Variants in VPS53 observed in about 807,000 individuals in gnomAD.
VPS53 encodes the protein VPS53 subunit of GARP complex.
VPS53 carries 70 observed loss-of-function variants against 107.0 expected under a neutral mutation model. The ratio of observed to expected loss-of-function variants is 0.65; its 90% CI spans 0.54 to 0.80. The LOEUF (loss-of-function observed/expected upper bound fraction) is 0.80. Among genes scored for constraint, VPS53 ranks in the 30% least tolerant of loss-of-function variants. VPS53 has a pLI of 0.00. For missense variants in VPS53, 917 were observed against 1,049.4 expected, an observed-to-expected ratio of 0.87 and a Z score of 1.74; for synonymous variants, 409 against 393.3, an observed-to-expected ratio of 1.04 and a Z score of -0.47.
intron 7 of VPS53, among the ~76,000 whole-genome samples, chr17:646,711 C>T (rs1970727419): frequency 1.4e-5 from 2 of 140,660 alleles, no homozygotes; most frequent in South Asian, 2.4e-4. Context: ...GGCTCCCACA[C>T]ACATCTCCGT....
At chr17:566,105 G>A (rs1461303633) in intron 13 of VPS53, among the ~76,000 whole-genome samples, 8 of 150,052 alleles carry the variant, frequency 5.3e-5, no homozygotes, top group Non-Finnish European at 1.2e-4. Context: ...TTGGGAGGCT[G>A]AGGCAGGAGA....
At chr17:651,773 C>T (rs1344607786) in intron 7 of VPS53, among the ~76,000 whole-genome samples, 7 of 152,154 alleles carry the variant, frequency 4.6e-5, no homozygotes, top group South Asian at 2.1e-4. Flanking sequence ...TCAATTGTGA[C>T]GGTCTCTGCC....
intron 15 of VPS53, among the ~76,000 whole-genome samples, chr17:558,348 T>C (rs1912627697): frequency 6.6e-6 from 1 of 152,148 alleles, no homozygotes; most frequent in Non-Finnish European, 1.5e-5. Flanking sequence ...GTGCCTGTAG[T>C]CCCAGCTACT....
At position 537,128 on chromosome 17, in the gene VPS53, T is replaced by A. The variant is rs751330560; in HGVS notation, c.1915A>T (p.Thr639Ser). ...TGCTTGATGTGCAGAATGACAGAGG[T>A]GACGTAGGGGCTCTGGTCACCAACG... ...EHVGDQSPYV[T>S]SVILHIKQNV... The change falls in exon 18 of 22, where the codon ACC (threonine) becomes TCC (serine). Residue 639 changes from threonine to serine, a missense_variant. Transcript: ENST00000437048. The A allele has an allele frequency of 6.2e-7, 1 of 1,613,848 alleles. No homozygotes were observed. The highest frequency in any genetic ancestry group is 1.1e-5 in the South Asian group (1 of 91,056).
intron 14 of VPS53, among the ~76,000 whole-genome samples, chr17:561,499 T>C (rs531261113): frequency 2.0e-5 from 3 of 152,328 alleles, no homozygotes; most frequent in Non-Finnish European, 2.9e-5. Flanking sequence ...ATAAGCAGTA[T>C]AGCCCCAATT....
chr17:554,141 G>A (rs1177277447), intron 15 of VPS53, among the ~76,000 whole-genome samples: 1 of 152,190 alleles, frequency 6.6e-6, no homozygotes, highest in South Asian at 2.1e-4. Context: ...TTGGTGTTGA[G>A]TAGCAGTAAA....
intron 15 of VPS53, among the ~76,000 whole-genome samples, chr17:556,817 G>A (rs977618194): frequency 1.1e-4 from 13 of 121,306 alleles, no homozygotes; most frequent in Admixed American, 5.8e-4. Context: ...CAGCCGAGAC[G>A]TAACTTCGGT....
At chr17:534,989 G>C (rs1028736116) in intron 18 of VPS53, among the ~76,000 whole-genome samples, 3 of 152,096 alleles carry the variant, frequency 2.0e-5, no homozygotes, top group Non-Finnish European at 2.9e-5. Flanking sequence ...GTGGCGATGG[G>C]GGGAGTATGA....
At chr17:547,754 C>T (rs979987598) in intron 17 of VPS53, among the ~76,000 whole-genome samples, 1 of 152,194 alleles carries the variant, frequency 6.6e-6, no homozygotes, top group Non-Finnish European at 1.5e-5. Flanking sequence ...TCTCCTACCT[C>T]AGCCTCCTGA....
intron 17 of VPS53, among the ~76,000 whole-genome samples, chr17:541,957 C>A (rs111916141): frequency 1.4e-5 from 2 of 144,690 alleles, no homozygotes; most frequent in Admixed American, 6.8e-5. Context: ...ACGCACCAGG[C>A]GCTGAAGGAA....
chr17:530,121 G>T (rs924797156), intron 19 of VPS53, among the ~76,000 whole-genome samples: 1 of 150,602 alleles, frequency 6.6e-6, no homozygotes, highest in African/African-American at 2.4e-5. Context: ...CTTATAGCCA[G>T]CAACCTTGCT....
intron 18 of VPS53, among the ~76,000 whole-genome samples, chr17:535,044 G>A (rs1909923891): frequency 6.6e-6 from 1 of 152,192 alleles, no homozygotes. Context: ...GCAATGTGCT[G>A]GGTAACTGCC....
chr17:707,633 T>G (rs1973464217), intron 2 of VPS53, among the ~76,000 whole-genome samples: 1 of 151,590 alleles, frequency 6.6e-6, no homozygotes, highest in Admixed American at 6.6e-5. Flanking sequence ...AGGATCACAT[T>G]AGCTCAGGAG....
At chr17:551,354 G>A (rs981851208) in intron 17 of VPS53, among the ~76,000 whole-genome samples, 4 of 151,952 alleles carry the variant, frequency 2.6e-5, no homozygotes, top group Admixed American at 1.3e-4. Flanking sequence ...ACTGCTTGAC[G>A]CCAGGAGTTC....
intron 12 of VPS53, among the ~76,000 whole-genome samples, chr17:598,534 G>A (rs1010335268): frequency 3.3e-5 from 5 of 151,008 alleles, no homozygotes; most frequent in African/African-American, 9.7e-5. Flanking sequence ...CTTCCCGGCC[G>A]CCATCACATC....
At chr17:673,370 G>A (rs964735424) in intron 4 of VPS53, among the ~76,000 whole-genome samples, 1 of 152,166 alleles carries the variant, frequency 6.6e-6, no homozygotes, top group Admixed American at 6.5e-5. Flanking sequence ...ATCCCCAGCT[G>A]AAACAGAGGT....
intron 17 of VPS53, among the ~76,000 whole-genome samples, chr17:542,293 G>A (rs1021745122): frequency 3.9e-5 from 6 of 152,204 alleles, no homozygotes; most frequent in African/African-American, 1.2e-4. Flanking sequence ...CTAAGGAAGC[G>A]TAACTGCTAA....
At chr17:679,406 T>A (rs1972303272) in intron 4 of VPS53, among the ~76,000 whole-genome samples, 1 of 151,906 alleles carries the variant, frequency 6.6e-6, no homozygotes, top group Non-Finnish European at 1.5e-5. Context: ...CCCAGCTACT[T>A]GGGAGGCTGA....
rs1912774260 is a variant in VPS53, at chr17:559,865, G to C, written c.1704+561C>G. Reference sequence around the variant, plus strand: ...TCTGGGTCTTCCTTCTGCTCCATCAGTTGCTGAACTATGGCCATGTGGGGG... The same window carrying C: ...TCTGGGTCTTCCTTCTGCTCCATCACTTGCTGAACTATGGCCATGTGGGGG... On this transcript the variant is annotated intron_variant, in intron 15 of 21. Coordinates refer to ENST00000437048, the MANE Select transcript of VPS53 (RefSeq NM_001128159.3). Among the ~76,000 whole-genome samples, 6 of 152,218 alleles carry C rather than the reference G, an allele frequency of 3.9e-5. No individual in the cohort carries two copies. The South Asian group carries it at 1.2e-3, about 32-fold the overall frequency.
Sources: allele counts gnomAD v4.1 joint callset (sites outside exome capture counted in the v4.1 genomes callset), GRCh38; gene constraint gnomAD v4.1.1; transcripts MANE v1.5; gene names NCBI Gene and HGNC (gene_info 2026-07-23, HGNC 2026-07-21).